ARAP2: variants seen among roughly 807,000 people sequenced by gnomAD.
ARAP2 encodes the protein ArfGAP with RhoGAP domain, ankyrin repeat and PH domain 2.
ARAP2 carries 148 observed loss-of-function variants against 194.5 expected under a neutral mutation model. That is an observed-to-expected ratio of 0.76 (90% confidence interval 0.67 to 0.87). The LOEUF is 0.87. ARAP2 is among the 40% of genes least tolerant of loss of function. The pLI is 0.00. For missense variants in ARAP2, 2,128 were observed against 1,989.7 expected, an observed-to-expected ratio of 1.07 and a Z score of -1.32; for synonymous variants, 695 against 683.5, an observed-to-expected ratio of 1.02 and a Z score of -0.26.
intron 1 of ARAP2, among the ~76,000 whole-genome samples, chr4:36,241,413 T>G (rs149251397): frequency 4.1e-4 from 63 of 152,280 alleles, no homozygotes; most frequent in African/African-American, 1.4e-3. Context: ...TAACATGTAT[T>G]CATTCAATAT....
At chr4:36,013,930 G>A (rs145608051) in intron 8 of ARAP2, among the ~76,000 whole-genome samples, 137 of 152,152 alleles carry the variant, frequency 9.0e-4, no homozygotes, top group Non-Finnish European at 5.3e-4. Context: ...TCAACCTGTT[G>A]AATAAAATTA....
chr4:36,102,054 C>T (rs2109435930), intron 27 of ARAP2, among the ~76,000 whole-genome samples: 1 of 152,090 alleles, frequency 6.6e-6, no homozygotes, highest in South Asian at 2.1e-4. Flanking sequence ...TCTTTAAATG[C>T]TTGTGTTGTA....
chr4:36,141,141 A>C (rs1166166501), intron 19 of ARAP2, among the ~76,000 whole-genome samples: 2 of 151,720 alleles, frequency 1.3e-5, no homozygotes, highest in South Asian at 2.1e-4. Flanking sequence ...TGAACATTTC[A>C]GTCAAAGTGA....
chr4:36,238,743 T>C (rs1442736635), intron 1 of ARAP2, among the ~76,000 whole-genome samples: 1 of 152,238 alleles, frequency 6.6e-6, no homozygotes, highest in Admixed American at 6.5e-5. Flanking sequence ...AACATCTTTG[T>C]AATTGCTATA....
At chr4:36,057,403 G>T (rs995098490) in intron 2 of ARAP2, among the ~76,000 whole-genome samples, 2 of 149,736 alleles carry the variant, frequency 1.3e-5, no homozygotes, top group African/African-American at 2.5e-5. Context: ...GAATCTATTG[G>T]TATAAATAAC....
At chr4:36,209,167 T>C (rs933702572) in intron 6 of ARAP2, among the ~76,000 whole-genome samples, 1 of 152,176 alleles carries the variant, frequency 6.6e-6, no homozygotes, top group African/African-American at 2.4e-5. Context: ...CACTTGGACC[T>C]CCCTAAATAC....
At chr4:36,109,820 A>C (rs573176573) in intron 26 of ARAP2, among the ~76,000 whole-genome samples, 12 of 150,638 alleles carry the variant, frequency 8.0e-5, no homozygotes, top group Non-Finnish European at 1.5e-4. Flanking sequence ...CCATTAACTC[A>C]TCATTTACAT....
chr4:36,143,863 T>C lies in ARAP2; in HGVS notation c.3263+3433A>G, dbSNP rs60571136. ...GACGAAAACTTTCAATTACCAAAAA[T>C]GTTATTAACTGTCTGTGACCATTAT... On this transcript the variant is annotated intron_variant, in intron 19 of 32. Transcript: ENST00000303965. Among the ~76,000 whole-genome samples the C allele has an allele frequency of 6.3e-3, 960 of 152,012 alleles. 12 individuals carry two copies. Among genetic ancestry groups the C allele is most frequent in the African/African-American group, 0.022 (908 of 41,524 alleles).
intron 5 of ARAP2, among the ~76,000 whole-genome samples, chr4:36,033,636 A>G (rs975490091): frequency 1.1e-4 from 16 of 152,150 alleles, no homozygotes; most frequent in African/African-American, 3.9e-4. Flanking sequence ...TGCTGTGCAG[A>G]AGCTCTTAAG....
intron 8 of ARAP2, among the ~76,000 whole-genome samples, chr4:36,181,805 G>T (rs1290906638): frequency 6.6e-6 from 1 of 152,180 alleles, no homozygotes; most frequent in Non-Finnish European, 1.5e-5. Context: ...GTGAAAGGAG[G>T]AAGGCCATAA....
chr4:36,012,812 A>G (rs1714794281), exon 9 of ARAP2: 1 of 152,192 alleles, frequency 6.6e-6, no homozygotes, highest in African/African-American at 2.4e-5. Flanking sequence ...TGTGTTTCTC[A>G]TTCTGACCTC....
chr4:36,033,462 T>C (rs1719346727), intron 5 of ARAP2, among the ~76,000 whole-genome samples: 1 of 150,442 alleles, frequency 6.6e-6, no homozygotes, highest in African/African-American at 2.4e-5. Context: ...GAAGTGTCTG[T>C]TCATGTCCTT....
chr4:36,080,709 T>G (rs766718842), intron 30 of ARAP2, among the ~76,000 whole-genome samples: 2 of 152,176 alleles, frequency 1.3e-5, no homozygotes, highest in South Asian at 2.1e-4. Flanking sequence ...ATCATTGTAA[T>G]TGTAAACACT....
intron 12 of ARAP2, among the ~76,000 whole-genome samples, chr4:36,161,186 CACAT>C (rs1315393780): frequency 2.7e-5 from 4 of 150,550 alleles, no homozygotes; most frequent in African/African-American, 9.9e-5. Context: ...CACACACACA[CACAT>C]ATACAGTTCT....
At chr4:36,191,823 G>A (rs1741978817) in intron 7 of ARAP2, among the ~76,000 whole-genome samples, 1 of 152,114 alleles carries the variant, frequency 6.6e-6, no homozygotes, top group Non-Finnish European at 1.5e-5. Flanking sequence ...ATGGGGGTGA[G>A]TTAGATTTCT....
intron 32 of ARAP2, among the ~76,000 whole-genome samples, chr4:36,071,604 T>C (rs1726915151): frequency 6.6e-6 from 1 of 152,134 alleles, no homozygotes; most frequent in African/African-American, 2.4e-5. Flanking sequence ...AACAACTTCT[T>C]TGAAAAATAA....
intron 19 of ARAP2, among the ~76,000 whole-genome samples, chr4:36,145,722 G>T (rs1231839739): frequency 6.6e-6 from 1 of 151,822 alleles, no homozygotes; most frequent in Non-Finnish European, 1.5e-5. Context: ...TATTGCTCTG[G>T]TATGTCCCTG....
chr4:36,023,965 A>T (rs1377933776), intron 5 of ARAP2, among the ~76,000 whole-genome samples: 5 of 9,186 alleles, frequency 5.4e-4, no homozygotes, highest in East Asian at 6.3e-3. Context: ...TAATCAATAA[A>T]AAAAAAAAAT....
At chr4:36,022,813 A>G (rs1717236040) in intron 5 of ARAP2, among the ~76,000 whole-genome samples, 1 of 152,196 alleles carries the variant, frequency 6.6e-6, no homozygotes, top group Non-Finnish European at 1.5e-5. Context: ...AACAAGGATA[A>G]CAGAGATTTG....
Sources: gnomAD v4.1 joint callset for allele counts (sites outside exome capture counted in the v4.1 genomes callset) on GRCh38, gnomAD v4.1.1 for gene constraint, MANE v1.5 for transcripts, NCBI Gene and HGNC (gene_info 2026-07-23, HGNC 2026-07-21) for gene names.